ASB5: variants seen among roughly 807,000 people sequenced by gnomAD.
ASB5 encodes ankyrin repeat and SOCS box containing 5.
ASB5 carries 45 observed loss-of-function variants against 42.1 expected under a neutral mutation model. The ratio of observed to expected loss-of-function variants is 1.07; its 90% confidence interval spans 0.84 to 1.37. ASB5 has a LOEUF of 1.37. ASB5 is among the 40% of genes most tolerant of loss of function. ASB5 has a pLI of 0.00. For synonymous variants in ASB5, 147 were observed against 150.6 expected (o/e 0.98, Z 0.18); for missense variants, 402 against 399.8 (o/e 1.01, Z -0.05).
chr4:176,221,115 T>G (rs750146825), intron 5 of ASB5, 40 bp downstream of exon 5: 2 of 1,542,836 alleles, frequency 1.3e-6, no homozygotes, highest in Non-Finnish European at 1.7e-6. Context: ...TAACTGCTTG[T>G]GTGTATGGAC....
intron 1 of ASB5, among the ~76,000 whole-genome samples, chr4:176,234,149 G>A (rs531429261): frequency 1.5e-4 from 23 of 152,300 alleles, no homozygotes; most frequent in African/African-American, 5.5e-4. Flanking sequence ...CCTTCCAGTA[G>A]TCTGTACTAA....
At position 176,221,606 on chromosome 4, in the gene ASB5, C is replaced by G; in HGVS notation, c.385-6G>C. 1 of 1,600,310 alleles carries G rather than the reference C, an allele frequency of 6.2e-7. No homozygotes were observed. Among genetic ancestry groups the G allele is most frequent in the Non-Finnish European group, 8.5e-7 (1 of 1,171,628 alleles). Reference sequence around the variant, plus strand: ...TCTATCGTGATTGCATTTACCTAAACCAAACCAAAATATCCAAACATAAGA... The same window carrying G: ...TCTATCGTGATTGCATTTACCTAAAGCAAACCAAAATATCCAAACATAAGA... On this transcript the variant is annotated splice_region_variant and splice_polypyrimidine_tract_variant and intron_variant, in intron 3 of 6. Coordinates refer to ENST00000296525, the MANE Select transcript of ASB5 (RefSeq NM_080874.4).
chr4:176,216,805 G>A lies in ASB5; in HGVS notation c.862+13C>T, dbSNP rs568932883. On this transcript the variant is annotated intron_variant, in intron 6 of 6. Coordinates refer to ENST00000296525, the MANE Select transcript of ASB5 (RefSeq NM_080874.4). ...ATTTTGTTTTTGTAAGTTTCCACAT[G>A]TATTTTTCTTACCTTCATGTTGAAG... 25 of 1,534,168 alleles carry A rather than the reference G, an allele frequency of 1.6e-5. No individual in the cohort carries two copies. In the South Asian group the frequency reaches 3.1e-4, roughly 19 times the overall value.
At chr4:176,263,271 C>T (rs1420189227) in intron 1 of ASB5, among the ~76,000 whole-genome samples, 4 of 152,128 alleles carry the variant, frequency 2.6e-5, no homozygotes, top group Non-Finnish European at 2.9e-5. Flanking sequence ...GCTAAATAAA[C>T]CTGTTTTCTT....
intron 2 of ASB5, among the ~76,000 whole-genome samples, chr4:176,274,663 T>C (rs1237246835): frequency 1.3e-5 from 2 of 152,198 alleles, no homozygotes; most frequent in African/African-American, 2.4e-5. Context: ...ATTTGTGCCC[T>C]GTGTGGGTTA....
chr4:176,257,534 G>A (rs1754178150), intron 1 of ASB5, among the ~76,000 whole-genome samples: 1 of 152,170 alleles, frequency 6.6e-6, no homozygotes, highest in Admixed American at 6.5e-5. Flanking sequence ...GAACAGCTCA[G>A]AATGTCTTAC....
Position 176,221,450 on chromosome 4 carries a change from C to G in ASB5, c.535G>C (p.Gly179Arg). 6.2e-7 allele frequency: 1 copy of G among 1,612,766 alleles called. No individual in the cohort carries two copies. The highest frequency in any genetic ancestry group is 8.5e-7 in the Non-Finnish European group (1 of 1,179,582). ...PSPTHEAASK[G>R]HHECLDILIS... ...TCACTTAATCCCAGAACTAAGTTAC[C>G]TTTACTGGCGGCCTCATGCGTTGGG... Residue 179 changes from glycine to arginine, a missense_variant and splice_region_variant, in exon 4 of 7, where the codon GGT becomes CGT. By Grantham distance (125) the Gly-to-Arg change is moderately radical. Transcript: ENST00000296525.
chr4:176,232,660 T>C (rs1468225889), intron 1 of ASB5, among the ~76,000 whole-genome samples: 1 of 152,260 alleles, frequency 6.6e-6, no homozygotes, highest in African/African-American at 2.4e-5. Flanking sequence ...TACTAGCCTT[T>C]ATTGTATACT....
chr4:176,217,600 G>A (rs73007124), intron 5 of ASB5, among the ~76,000 whole-genome samples: 2,404 of 152,076 alleles, frequency 0.016, 66 homozygotes, highest in African/African-American at 0.053. Context: ...AAATCAAAAG[G>A]CACATTGATG....
intron 3 of ASB5, 64 bp downstream of exon 3, chr4:176,222,249 A>G (rs1009226756): frequency 1.4e-5 from 20 of 1,405,518 alleles, no homozygotes; most frequent in Admixed American, 1.9e-5. Flanking sequence ...AAGTAAAATG[A>G]GAACTCTGTT....
At position 176,222,247 on chromosome 4, in the gene ASB5, T is replaced by G. The variant is rs375206832; in HGVS notation, c.384+66A>C. On this transcript the variant is annotated intron_variant, in intron 3 of 6. Transcript: ENST00000296525. ...GAGAATGAAGGAAAGAAAAGTAAAA[T>G]GAGAACTCTGTTGGATTCCCTCCGT... 4.0e-4 allele frequency: 558 copies of G among 1,399,054 alleles called. 3 individuals carry two copies. The African/African-American group carries it at 7.2e-3, about 18-fold the overall frequency. 86.7% of individuals were successfully genotyped at this position (1,399,054 alleles called of 1,614,324 possible). A position where few individuals can be genotyped will look rare whatever the true frequency, so the allele number is the denominator to read the frequency against.
Position 176,216,841 on chromosome 4 carries a change from TC to T in ASB5, c.838del (p.Glu280LysfsTer26). ...ACCTTCATGTTGAAGCAATATCCTT[TC>T]CACCATACTGCTAGACGTAGCTACA... ...IDVATSSSMV[E>X]RILLQHEATP... is the part of the protein sequence containing the mutation. On this transcript the variant is annotated frameshift_variant, in exon 6 of 7. Transcript: ENST00000296525. LOFTEE classifies it high-confidence loss of function. The T allele has an allele frequency of 1.4e-5, 23 of 1,600,108 alleles. No individual in the cohort carries two copies. The highest frequency in any genetic ancestry group is 2.0e-5 in the Non-Finnish European group (23 of 1,175,986).
At chr4:176,243,510 T>G (rs1753851306) in intron 1 of ASB5, among the ~76,000 whole-genome samples, 1 of 152,114 alleles carries the variant, frequency 6.6e-6, no homozygotes, top group African/African-American at 2.4e-5. Context: ...ATTTTTATTT[T>G]TTATTTTTTT....
intron 5 of ASB5, among the ~76,000 whole-genome samples, chr4:176,220,753 C>A (rs1220585463): frequency 6.6e-6 from 1 of 152,110 alleles, no homozygotes; most frequent in Non-Finnish European, 1.5e-5. Context: ...ACGAGGTTGT[C>A]CAAGCAGTTA....
At chr4:176,273,381 C>T (rs996991433), upstream of ASB5, among the ~76,000 whole-genome samples, 2 of 151,940 alleles carry the variant, frequency 1.3e-5, no homozygotes, top group African/African-American at 2.4e-5. Flanking sequence ...CAAGTTGTCA[C>T]GGTAATATAT....
intron 1 of ASB5, among the ~76,000 whole-genome samples, chr4:176,254,916 G>T (rs1438228479): frequency 6.6e-6 from 1 of 152,164 alleles, no homozygotes; most frequent in African/African-American, 2.4e-5. Flanking sequence ...TGGATCACGA[G>T]GTCAGGCGTT....
At chr4:176,225,240 T>C in intron 2 of ASB5, 22 bp downstream of exon 2, 1 of 1,588,820 alleles carries the variant, frequency 6.3e-7, no homozygotes, top group Non-Finnish European at 8.6e-7. Flanking sequence ...GGGTATATTT[T>C]AAACTATATG....
At chr4:176,259,722 C>G (rs1271545797) in intron 1 of ASB5, among the ~76,000 whole-genome samples, 1 of 152,214 alleles carries the variant, frequency 6.6e-6, no homozygotes. Flanking sequence ...TTAAATCACA[C>G]TGCACACTTG....
chr4:176,248,002 C>T (rs190504632), intron 1 of ASB5, among the ~76,000 whole-genome samples: 13 of 152,176 alleles, frequency 8.5e-5, no homozygotes, highest in African/African-American at 2.2e-4. Flanking sequence ...AAATATTTGG[C>T]GAGCACATTG....
Sources: gnomAD v4.1 joint callset for allele counts (sites outside exome capture counted in the v4.1 genomes callset) on GRCh38, gnomAD v4.1.1 for gene constraint, MANE v1.5 for transcripts, NCBI Gene and HGNC (gene_info 2026-07-23, HGNC 2026-07-21) for gene names.